DCAF4: variants seen among roughly 807,000 people sequenced by gnomAD.
The protein encoded by DCAF4 is DDB1- and CUL4-associated factor 4.
A neutral mutation model predicts 60.9 loss-of-function variants in DCAF4; 37 were observed. The ratio of observed to expected loss-of-function variants is 0.61; its 90% confidence interval spans 0.47 to 0.80. DCAF4 has a LOEUF of 0.80. DCAF4 is among the 30% of genes least tolerant of loss of function. The pLI, the probability that DCAF4 is intolerant of heterozygous loss-of-function variation, is 0.00. For missense variants in DCAF4, 577 were observed against 650.0 expected, an observed-to-expected ratio of 0.89 and a Z score of 1.22; for synonymous variants, 243 against 254.8, an observed-to-expected ratio of 0.95 and a Z score of 0.44.
intron 1 of DCAF4, among the ~76,000 whole-genome samples, chr14:72,933,558 CAAAA>C (rs34401726): frequency 7.7e-6 from 1 of 129,616 alleles, no homozygotes; most frequent in Non-Finnish European, 1.6e-5. Context: ...GACTCCATCT[CAAAA>C]AAAAAAAAAA....
intron 4 of DCAF4, among the ~76,000 whole-genome samples, chr14:72,941,025 G>A (rs1889978440): frequency 2.7e-5 from 4 of 148,974 alleles, no homozygotes; most frequent in East Asian, 2.0e-4. Flanking sequence ...GTGCAGTGGC[G>A]CCATCTCGGC....
chr14:72,948,822 T>C (rs949242204), intron 8 of DCAF4, among the ~76,000 whole-genome samples: 3 of 152,226 alleles, frequency 2.0e-5, no homozygotes, highest in Non-Finnish European at 2.9e-5. Context: ...CTCTGCATTT[T>C]TCCTGCAAGA....
At chr14:72,942,826 C>G in intron 5 of DCAF4, 168 bp from the exon 6 acceptor site, 1 of 621,998 alleles carries the variant, frequency 1.6e-6, no homozygotes, top group Non-Finnish European at 2.8e-6. Context: ...TGGGGAAACT[C>G]AAATTCGGAT....
At chr14:72,935,081 GA>G (rs796476126) in intron 1 of DCAF4, 4 of 152,308 alleles carry the variant, frequency 2.6e-5, no homozygotes, top group African/African-American at 7.2e-5. Context: ...GCAGAGTGAT[GA>G]GTGCAAACAT....
At chr14:72,949,757 A>C (rs1011741348) in intron 8 of DCAF4, among the ~76,000 whole-genome samples, 2 of 152,256 alleles carry the variant, frequency 1.3e-5, no homozygotes, top group East Asian at 3.8e-4. Flanking sequence ...ACTCCATCTC[A>C]AAAAATGTAT....
rs537115826 is a variant in DCAF4, at chr14:72,954,423, G to A, written c.945G>A (p.Thr315=). Residue 315 remains threonine, a synonymous_variant, in exon 11 of 14, where the codon ACG becomes ACA. Transcript: ENST00000358377. ...SRRVLLTNVV[T]GHRQSFGTNS... ...GGGTCCTGTTGACCAACGTGGTGAC[G>A]GGACACCGGCAGTCCTTTGGGACCA... The A allele has an allele frequency of 2.4e-5, 39 of 1,614,200 alleles. No homozygotes were observed. The South Asian group carries it at 2.5e-4, about 10-fold the overall frequency.
chr14:72,932,058 G>A (rs1051888878), intron 1 of DCAF4, among the ~76,000 whole-genome samples: 35 of 150,104 alleles, frequency 2.3e-4, no homozygotes, highest in African/African-American at 7.1e-4. Flanking sequence ...GCATGATCTC[G>A]GCTCACTGCA....
intron 13 of DCAF4, chr14:72,957,721 AT>A (rs1337875722): frequency 1.4e-4 from 21 of 152,334 alleles, no homozygotes; most frequent in African/African-American, 5.1e-4. Flanking sequence ...TTCAGCCAAG[AT>A]AGCACTTCTG....
At chr14:72,949,215 A>G (rs1891106383) in intron 8 of DCAF4, among the ~76,000 whole-genome samples, 1 of 152,170 alleles carries the variant, frequency 6.6e-6, no homozygotes, top group African/African-American at 2.4e-5. Flanking sequence ...TTGGGAGGCC[A>G]AAGTTGGGGG....
chr14:72,938,637 C>G (rs1889615239), intron 2 of DCAF4, among the ~76,000 whole-genome samples: 1 of 152,172 alleles, frequency 6.6e-6, no homozygotes, highest in African/African-American at 2.4e-5. Context: ...TGCTCCGAGG[C>G]TGCAAACCTG....
intron 6 of DCAF4, among the ~76,000 whole-genome samples, 175 bp from the exon 7 acceptor site, chr14:72,945,709 A>G (rs367810391): frequency 6.6e-6 from 1 of 152,152 alleles, no homozygotes; most frequent in South Asian, 2.1e-4. Flanking sequence ...TTGCCCAGAC[A>G]TGGCTGCACT....
At chr14:72,955,436 AGAGGGGTTGTATCAG>A (rs1892137226) in intron 11 of DCAF4, 72 bp from the exon 12 acceptor site, 1 of 1,480,400 alleles carries the variant, frequency 6.8e-7, no homozygotes, top group Admixed American at 1.9e-5. Context: ...AGAGGCTGGA[AGAGGGGTTGTATCAG>A]GAGGACCTGC....
At chr14:72,949,709 A>C (rs906880099) in intron 8 of DCAF4, among the ~76,000 whole-genome samples, 1 of 152,214 alleles carries the variant, frequency 6.6e-6, no homozygotes, top group South Asian at 2.1e-4. Flanking sequence ...GTGAGCCAAG[A>C]TTGCGCCACT....
chr14:72,951,934 G>A lies in DCAF4; in HGVS notation c.808+57G>A. 3.1e-6 allele frequency: 5 copies of A among 1,595,378 alleles called. No homozygotes were observed. The South Asian group carries it at 5.5e-5, about 18-fold the overall frequency. On this transcript the variant is annotated intron_variant, in intron 9 of 13. Transcript: ENST00000358377. ...TCCTCTGTCTCCCGAGAGCTGTGTG[G>A]GGGTGGCTTAGAGAGAAGTATGGGG...
intron 6 of DCAF4, among the ~76,000 whole-genome samples, chr14:72,945,082 C>T (rs1472820347): frequency 6.6e-6 from 1 of 151,538 alleles, no homozygotes; most frequent in Non-Finnish European, 1.5e-5. Flanking sequence ...GAGTAAGACT[C>T]CCTCTCAAAA....
chr14:72,927,843 A>G (rs536981829), intron 1 of DCAF4, among the ~76,000 whole-genome samples: 36 of 152,356 alleles, frequency 2.4e-4, no homozygotes, highest in Non-Finnish European at 3.8e-4. Context: ...TATTTCTTAA[A>G]TAAGTGTTAA....
rs900139315 is a variant in DCAF4 at position 72,958,847 on chromosome 14, G to A, written c.*42G>A. On this transcript the variant is annotated 3_prime_UTR_variant, in exon 14 of 14. Transcript: ENST00000358377. ...CCAGAGCCATGTGGATTTGACTTAC[G>A]GGAGTAAAGCGTAACTTTTTACTGC... 17 of 1,514,168 alleles carry A rather than the reference G, an allele frequency of 1.1e-5. No individual in the cohort carries two copies. Among genetic ancestry groups the A allele is most frequent in the Middle Eastern group, 1.8e-4 (1 of 5,562 alleles). 93.8% of individuals were successfully genotyped at this position (1,514,168 alleles called of 1,614,324 possible). A position where few individuals can be genotyped will look rare whatever the true frequency, so the allele number is the denominator to read the frequency against.
Position 72,945,902 on chromosome 14 carries a change from C to A in DCAF4, c.553C>A (p.Arg185=). ...NLILADTNSD[R]LFTVNDVKVG... ...TCTCCAGGCAGATACCAACAGTGAC[C>A]GGCTCTTCACAGTGAACGATGTTAA... The change falls in exon 7 of 14, where the codon CGG becomes AGG. Residue 185 remains arginine (R), a synonymous_variant. Coordinates refer to ENST00000358377, the MANE Select transcript of DCAF4 (RefSeq NM_015604.4). 6.2e-7 allele frequency: 1 copy of A among 1,614,166 alleles called. No individual in the cohort carries two copies. The highest frequency in any genetic ancestry group is 8.5e-7 in the Non-Finnish European group (1 of 1,180,036).
Position 72,945,915 on chromosome 14 carries a change from T to C in DCAF4, c.566T>C (p.Val189Ala). 1 of 1,614,198 alleles carries C rather than the reference T, an allele frequency of 6.2e-7. No homozygotes were observed. The highest frequency in any genetic ancestry group is 8.5e-7 in the Non-Finnish European group (1 of 1,180,038). Residue 189 changes from valine (V) to alanine (A), a missense_variant, in exon 7 of 14, where the codon GTG becomes GCG. Physicochemically the swap from Val to Ala is moderately conservative, Grantham distance 64 (BLOSUM62 0). Coordinates refer to ENST00000358377, the MANE Select transcript of DCAF4 (RefSeq NM_015604.4). ...ADTNSDRLFTVNDVKVGGSKY... is the reference protein window; with the variant it reads ...ADTNSDRLFTANDVKVGGSKY... ...ACCAACAGTGACCGGCTCTTCACAG[T>C]GAACGATGTTAAAGTTGGAGGCTCC... is the stretch of plus-strand genomic sequence containing the variant.
Sources: allele counts gnomAD v4.1 joint callset (sites outside exome capture counted in the v4.1 genomes callset), GRCh38; gene constraint gnomAD v4.1.1; transcripts MANE v1.5; gene names NCBI Gene and HGNC (gene_info 2026-07-23, HGNC 2026-07-21).